LRRC4B: variants seen among roughly 807,000 people sequenced by gnomAD.
LRRC4B encodes leucine rich repeat containing 4B, also known as leucine-rich repeat-containing protein 4B.
A neutral mutation model predicts 7.3 loss-of-function variants in LRRC4B; 1 was observed. The observed-to-expected ratio is 0.14, with a 90% CI of 0.05 to 0.65. The LOEUF (loss-of-function observed/expected upper bound fraction) is 0.65, where lower values mean the gene tolerates loss of function less well. Ranked by LOEUF, LRRC4B falls within the 30% of genes least tolerant of loss-of-function variation. The probability of loss-of-function intolerance (pLI) is 0.84; values close to 1 mark genes in which losing one functional copy is unlikely to be tolerated. For synonymous variants in LRRC4B, 500 were observed against 499.2 expected, an observed-to-expected ratio of 1.00 and a Z score of -0.02; for missense variants, 730 against 1,041.6, an observed-to-expected ratio of 0.70 and a Z score of 4.12.
intron 2 of LRRC4B, among the ~76,000 whole-genome samples, chr19:50,526,442 T>G (rs896616018): frequency 6.6e-6 from 1 of 152,156 alleles, no homozygotes; most frequent in African/African-American, 2.4e-5. Context: ...TCCCCGGGGC[T>G]GGGTTCCCTG....
chr19:50,533,134 T>C (rs758368393), intron 2 of LRRC4B, among the ~76,000 whole-genome samples: 5 of 152,224 alleles, frequency 3.3e-5, no homozygotes, highest in Non-Finnish European at 7.3e-5. Flanking sequence ...AATCCTTGTC[T>C]TTTAACTGGA....
chr19:50,540,258 C>T (rs76115213), intron 2 of LRRC4B, among the ~76,000 whole-genome samples: 5,166 of 152,274 alleles, frequency 0.034, 124 homozygotes, highest in Non-Finnish European at 0.047. Flanking sequence ...CTGTTAGGAA[C>T]CAGGCTGCAC....
chr19:50,518,437 C>T lies in LRRC4B; in HGVS notation c.1276G>A (p.Val426Ile). The T allele has an allele frequency of 6.4e-7, 1 of 1,553,220 alleles. No individual in the cohort carries two copies. The highest frequency in any genetic ancestry group is 8.7e-7 in the Non-Finnish European group (1 of 1,150,972). The change falls in exon 3 of 3, where the codon GTC (valine) becomes ATC (isoleucine). Residue 426 changes from valine (V) to isoleucine (I), a missense_variant. Val to Ile is a conservative substitution (Grantham distance 29). Transcript: ENST00000652263. ...LHDGTLNFTN[V>I]TVQDTGQYTC... ...TACTGGCCCGTGTCCTGCACGGTGACGTTGGTGAAGTTAAGCGTGCCGTCA... is the reference window on the plus strand; with the variant it reads ...TACTGGCCCGTGTCCTGCACGGTGATGTTGGTGAAGTTAAGCGTGCCGTCA...
Position 50,518,946 on chromosome 19 carries a change from C to T in LRRC4B, c.767G>A (p.Arg256His), listed in dbSNP as rs775056334. 2 of 1,613,802 alleles carry T rather than the reference C, an allele frequency of 1.2e-6. No individual in the cohort carries two copies. The highest frequency in any genetic ancestry group is 2.2e-5 in the East Asian group (1 of 44,892). ...CTGGGCGTGCATGAGCCACAGCTTG[C>T]GCAGGCTGGTGAGACCCTGGAAGGA... ...PGSFQGLTSL[R>H]KLWLMHAQVA... The change falls in exon 3 of 3, where the codon CGC becomes CAC. Residue 256 changes from arginine to histidine, a missense_variant. By Grantham distance (29) the Arg-to-His change is conservative. This residue lies in a region of LRRC4B where 226 missense variants were observed against 448.0 expected (regional missense o/e 0.50). Transcript: ENST00000652263.
chr19:50,541,859 C>T (rs1034153700), intron 2 of LRRC4B, among the ~76,000 whole-genome samples: 24 of 152,030 alleles, frequency 1.6e-4, no homozygotes, highest in Non-Finnish European at 2.9e-4. Flanking sequence ...TAGAAGCCTC[C>T]GGGACGTCCA....
At chr19:50,554,305 A>T (rs764905978) in intron 1 of LRRC4B, among the ~76,000 whole-genome samples, 1 of 152,042 alleles carries the variant, frequency 6.6e-6, no homozygotes, top group Non-Finnish European at 1.5e-5. Context: ...GAGGAAGCAC[A>T]CATCTCACGT....
At position 50,555,862 on chromosome 19, in the gene LRRC4B, G is replaced by A. The variant is rs1982257333; in HGVS notation, c.-35-6989C>T. 1 of 152,404 alleles carries A rather than the reference G, an allele frequency of 6.6e-6. No homozygotes were observed. The highest frequency in any genetic ancestry group is 2.4e-5 in the African/African-American group (1 of 41,440). 9.4% of individuals were successfully genotyped at this position (152,404 alleles called of 1,614,324 possible). ...GCAAGAGGCCTGGAGGTTAGAGCTA[G>A]AGAAGAACTTCCCCACTGCGAGGGA... On this transcript the variant is annotated intron_variant, in intron 1 of 2. Transcript: ENST00000652263. The surrounding 1 kb of genome is among the most constrained non-coding windows in gnomAD (Gnocchi z 5.2).
chr19:50,529,630 C>A (rs2122813194), intron 2 of LRRC4B, among the ~76,000 whole-genome samples: 2 of 152,122 alleles, frequency 1.3e-5, no homozygotes, highest in East Asian at 3.9e-4. Context: ...TGTGGTGAAA[C>A]CCCGTCTCTA....
Position 50,551,946 on chromosome 19 carries a change from C to T in LRRC4B, c.-35-3073G>A, listed in dbSNP as rs548096238. On this transcript the variant is annotated intron_variant, in intron 1 of 2. Transcript: ENST00000652263. ...CCTCCTCAGCCTCCCTTCCCTGCGCCGCCTGGGGGAGGCCTCCCCCTCCCC... is the reference window on the plus strand; with the variant it reads ...CCTCCTCAGCCTCCCTTCCCTGCGCTGCCTGGGGGAGGCCTCCCCCTCCCC... Among the ~76,000 whole-genome samples the T allele has an allele frequency of 8.3e-4, 125 of 151,408 alleles. 1 individual carries two copies. Among genetic ancestry groups the T allele is most frequent in the East Asian group, 5.6e-3 (28 of 5,014 alleles).
chr19:50,544,705 G>A (rs986619107), intron 2 of LRRC4B, among the ~76,000 whole-genome samples: 1 of 151,998 alleles, frequency 6.6e-6, no homozygotes, highest in African/African-American at 2.4e-5. Context: ...TTTTACTTAG[G>A]TATATTTTCT....
intron 2 of LRRC4B, among the ~76,000 whole-genome samples, chr19:50,524,918 A>G (rs777361622): frequency 1.3e-5 from 2 of 152,156 alleles, no homozygotes; most frequent in Non-Finnish European, 2.9e-5. Flanking sequence ...CCTTTTGTCC[A>G]TCCAGCAGCC....
In LRRC4B at chr19:50,556,860, CGGGCACAGGGT is replaced by C. The variant is rs993924701; in HGVS notation, c.-35-7998_-35-7988del. On this transcript the variant is annotated intron_variant, in intron 1 of 2. Transcript: ENST00000652263. This position sits in a 1 kb window ranked among gnomAD's most constrained non-coding sequence, Gnocchi z 4.2. ...GCCGTCCGAGGGCTAAGTGAGAGGG[CGGGCACAGGGT>C]GGGCCCCGGAACGTCCAGGAGGGAA... Among the ~76,000 whole-genome samples the C allele has an allele frequency of 1.0e-4, 14 of 140,588 alleles. No homozygotes were observed. Among genetic ancestry groups the C allele is most frequent in the African/African-American group, 3.7e-4 (14 of 37,898 alleles). The allele number at this position is 140,588 out of a possible 152,430, so 92.2% of individuals were successfully genotyped here. A position where few individuals can be genotyped will look rare whatever the true frequency, so the allele number is the denominator to read the frequency against.
chr19:50,550,153 A>G (rs1981993070), intron 1 of LRRC4B, among the ~76,000 whole-genome samples: 2 of 152,124 alleles, frequency 1.3e-5, no homozygotes, highest in South Asian at 4.1e-4. Flanking sequence ...TAGGATGCCC[A>G]ATTTACAGAT....
chr19:50,548,800 C>T lies in LRRC4B; in HGVS notation c.39G>A (p.Pro13=), dbSNP rs1454622752. The T allele has an allele frequency of 1.1e-5, 17 of 1,508,724 alleles. No individual in the cohort carries two copies. The highest frequency in any genetic ancestry group is 5.0e-5 in the South Asian group (4 of 80,316). The allele number at this position is 1,508,724 out of a possible 1,614,324, so 93.5% of individuals were successfully genotyped here. The change falls in exon 2 of 3, where the codon CCG becomes CCA. Residue 13 remains proline (P), a synonymous_variant. Transcript: ENST00000652263. This position sits in a 1 kb window ranked among gnomAD's most constrained non-coding sequence, Gnocchi z 6.8. The part of the protein sequence containing the change: ...RARGSPCPPL[P]PGRMSWPHGA... Reference sequence around the variant, plus strand: ...CGTGGGGCCAGGACATCCTACCGGGCGGCAGCGGGGGGCACGGGGAGCCGC... The same window carrying T: ...CGTGGGGCCAGGACATCCTACCGGGTGGCAGCGGGGGGCACGGGGAGCCGC...
In LRRC4B at chr19:50,548,880, G is replaced by A; in HGVS notation, c.-35-7C>T. The stretch of plus-strand genomic sequence containing the variant: ...CCGCGTGGACGCTGGGGGGCTGTGG[G>A]TGGGGGAGAGAAGGGGGAGAGGCTT... On this transcript the variant is annotated splice_region_variant and splice_polypyrimidine_tract_variant and intron_variant, in intron 1 of 2. Coordinates refer to ENST00000652263, the MANE Select transcript of LRRC4B (RefSeq NM_001080457.2). This position sits in a 1 kb window ranked among gnomAD's most constrained non-coding sequence, Gnocchi z 6.8. The A allele has an allele frequency of 2.2e-6, 3 of 1,350,352 alleles. No individual in the cohort carries two copies. The highest frequency in any genetic ancestry group is 1.5e-5 in the African/African-American group (1 of 68,074). The allele number at this position is 1,350,352 out of a possible 1,614,324, so 83.6% of individuals were successfully genotyped here.
intron 2 of LRRC4B, among the ~76,000 whole-genome samples, chr19:50,535,231 G>A (rs1840544167): frequency 6.6e-6 from 1 of 151,884 alleles, no homozygotes; most frequent in Non-Finnish European, 1.5e-5. Flanking sequence ...GGAGTGCAGT[G>A]GCATGATTTC....
chr19:50,547,800 C>A (rs369828785), intron 2 of LRRC4B, among the ~76,000 whole-genome samples: 2 of 151,698 alleles, frequency 1.3e-5, no homozygotes, highest in East Asian at 1.9e-4. Context: ...GCTCTGTCCC[C>A]CCAAGCCCTC....
chr19:50,547,277 G>T (rs2122887953), intron 2 of LRRC4B, among the ~76,000 whole-genome samples: 1 of 152,218 alleles, frequency 6.6e-6, no homozygotes, highest in Non-Finnish European at 1.5e-5. Flanking sequence ...GACGTTTCTG[G>T]ACCCCTTCGC....
chr19:50,521,274 C>T (rs1486798846), intron 2 of LRRC4B, among the ~76,000 whole-genome samples: 1 of 152,070 alleles, frequency 6.6e-6, no homozygotes, highest in South Asian at 2.1e-4. Context: ...GGTGAGGTAT[C>T]TGGGGCAGAC....
Sources: allele counts gnomAD v4.1 joint callset (sites outside exome capture counted in the v4.1 genomes callset), GRCh38; gene constraint gnomAD v4.1.1; regional missense constraint gnomAD v4.1.1; non-coding constraint Gnocchi (gnomAD v3.1); transcripts MANE v1.5; gene names NCBI Gene and HGNC (gene_info 2026-07-23, HGNC 2026-07-21).